Variants in RTL1 observed in about 807,000 individuals in gnomAD.
The protein encoded by RTL1 is retrotransposon Gag like 1, also known as retrotransposon-like protein 1.
For missense variants in RTL1, 1,681 were observed against 1,767.5 expected, an observed-to-expected ratio of 0.95 and a Z score of 0.88; for synonymous variants, 727 against 748.4, an observed-to-expected ratio of 0.97 and a Z score of 0.47.
Position 100,884,095 on chromosome 14 carries a change from A to G in RTL1, c.694T>C (p.Tyr232His). Residue 232 changes from tyrosine (Y) to histidine (H), a missense_variant, in exon 4 of 4, where the codon TAT (tyrosine) becomes CAT (histidine). By Grantham distance (83) the Tyr-to-His change is moderately conservative (BLOSUM62 2). Transcript: ENST00000649591. ...LTLQSYPRMF[Y>H]NDRLRVGYVI... ...TAGCCAACTCTCAGACGGTCGTTAT[A>G]GAACATTCTTGGGTAGCTCTGTAAG... The G allele has an allele frequency of 6.4e-7, 1 of 1,551,716 alleles. No homozygotes were observed. The highest frequency in any genetic ancestry group is 8.7e-7 in the Non-Finnish European group (1 of 1,146,984).
chr14:100,899,776 A>G, intron 2 of RTL1, among the ~76,000 whole-genome samples: 1 of 152,022 alleles, frequency 6.6e-6, no homozygotes, highest in East Asian at 1.9e-4. Flanking sequence ...ATGAGGAAAT[A>G]ACGCAAATAA....
chr14:100,882,516 T>C lies in RTL1; in HGVS notation c.2273A>G (p.His758Arg), dbSNP rs936065042. 13 of 1,551,972 alleles carry C rather than the reference T, an allele frequency of 8.4e-6. No individual in the cohort carries two copies. Among genetic ancestry groups the C allele is most frequent in the Non-Finnish European group, 1.1e-5 (13 of 1,147,076 alleles). Residue 758 changes from histidine (H) to arginine (R), a missense_variant, in exon 4 of 4, where the codon CAT becomes CGT. Transcript: ENST00000649591. ...GTCCAGGGAGCAGTAGACGTTGTGA[T>C]GGCGGAAGCGGACCAGGACTTGGCG... Reference protein sequence around the residue: ...HVRQVLVRFRHHNVYCSLDKS... With the variant: ...HVRQVLVRFRRHNVYCSLDKS...
In RTL1 at chr14:100,902,022, C is replaced by G. The variant is rs141898570; in HGVS notation, c.-149+1269G>C. 4.9e-3 allele frequency among the ~76,000 whole-genome samples: 754 copies of G among 152,334 alleles called. 5 individuals are homozygous for G. Among genetic ancestry groups the G allele is most frequent in the Middle Eastern group, 0.02 (6 of 294 alleles). ...TGTGGGAGCTTCTCAAAGGCCTAAA[C>G]ATGTGGGCTGCCAGCCTGGGCAGGA... On this transcript the variant is annotated intron_variant, in intron 2 of 3. Transcript: ENST00000649591.
In RTL1 at chr14:100,893,678, C is replaced by T. The variant is rs112045952; in HGVS notation, c.-148-173G>A. Among the ~76,000 whole-genome samples the T allele has an allele frequency of 5.0e-3, 768 of 152,346 alleles. 3 individuals carry two copies. Among genetic ancestry groups the T allele is most frequent in the Non-Finnish European group, 8.0e-3 (541 of 68,032 alleles). On this transcript the variant is annotated intron_variant, in intron 2 of 3. Transcript: ENST00000649591. The surrounding 1 kb of genome is among the most constrained non-coding windows in gnomAD (Gnocchi z 4.2). ...TCCACGTGGCTACGTTGGGGACCTC[C>T]GTGATGCTTCCTGAGTGCTTACTAT...
intron 2 of RTL1, chr14:100,897,787 G>GGGGGGGGGGA (rs2038888289): frequency 6.0e-6 from 1 of 165,364 alleles, no homozygotes; most frequent in Non-Finnish European, 1.3e-5. Flanking sequence ...GCGGGGGGGG[G>GGGGGGGGGGA]CAGTGAATTG....
At position 100,903,684 on chromosome 14, in the gene RTL1, GGCTGCTCAGCGAGGCTGTGCCGAGT is replaced by G. The variant is rs2038973480; in HGVS notation, c.-349_-325del. ...CTCCCCACCACACCCTGCTGCTGAA[GGCTGCTCAGCGAGGCTGTGCCGAGT>G]GCTGGGGGGGTGTGGGTGGGCAGGG... On this transcript the variant is annotated 5_prime_UTR_variant, in exon 1 of 4. Coordinates refer to ENST00000649591, the MANE Select transcript of RTL1 (RefSeq NM_001134888.3). Among the ~76,000 whole-genome samples the G allele has an allele frequency of 6.6e-6, 1 of 152,182 alleles. No individual in the cohort carries two copies. The highest frequency in any genetic ancestry group is 1.5e-5 in the Non-Finnish European group (1 of 68,020).
chr14:100,896,226 G>A (rs1327912453), intron 2 of RTL1, among the ~76,000 whole-genome samples: 2 of 152,218 alleles, frequency 1.3e-5, no homozygotes, highest in Non-Finnish European at 1.5e-5. Flanking sequence ...CAGGCCGAGG[G>A]CTGCTTAACC....
intron 2 of RTL1, chr14:100,897,925 C>T (rs1307207297): frequency 1.9e-6 from 1 of 514,010 alleles, no homozygotes; most frequent in South Asian, 1.4e-5. Flanking sequence ...TTTTCTGGAC[C>T]AATGATGAGA....
rs2038813418 is a variant in RTL1, at chr14:100,893,704, G to A, written c.-148-199C>T. Reference sequence around the variant, plus strand: ...GTGATGCTTCCTGAGTGCTTACTATGCGCCAAGCGCTGCTTTCACCATTTT... The same window carrying A: ...GTGATGCTTCCTGAGTGCTTACTATACGCCAAGCGCTGCTTTCACCATTTT... On this transcript the variant is annotated intron_variant, in intron 2 of 3. Transcript: ENST00000649591. The surrounding 1 kb of genome is among the most constrained non-coding windows in gnomAD (Gnocchi z 4.2). Among the ~76,000 whole-genome samples the A allele has an allele frequency of 6.6e-6, 1 of 152,090 alleles. No homozygotes were observed. Among genetic ancestry groups the A allele is most frequent in the African/African-American group, 2.4e-5 (1 of 41,430 alleles).
chr14:100,890,450 G>A lies in RTL1; in HGVS notation c.-87+2994C>T, dbSNP rs1473907052. Among the ~76,000 whole-genome samples, 11 of 151,568 alleles carry A rather than the reference G, an allele frequency of 7.3e-5. No homozygotes were observed. In the East Asian group the frequency reaches 7.7e-4, roughly 11 times the overall value. ...TTAGGAGCAGAGTTGAGCCTGGGGC[G>A]GGGGGCCGGGGTGGGGGAATTAGGG... is the stretch of plus-strand genomic sequence containing the variant. On this transcript the variant is annotated intron_variant, in intron 3 of 3. Transcript: ENST00000649591.
At chr14:100,897,985 C>T (rs2038892442) in intron 2 of RTL1, 1 of 514,160 alleles carries the variant, frequency 1.9e-6, no homozygotes, top group Non-Finnish European at 3.9e-6. Flanking sequence ...GCACAAAACA[C>T]TGAGGTCCAT....
intron 2 of RTL1, among the ~76,000 whole-genome samples, chr14:100,896,146 C>T (rs1160114442): frequency 1.3e-5 from 2 of 151,976 alleles, no homozygotes; most frequent in African/African-American, 2.4e-5. Flanking sequence ...CAAACTCAGT[C>T]CAAACTAAAA....
At chr14:100,890,690 G>T (rs527602702) in intron 3 of RTL1, among the ~76,000 whole-genome samples, 3 of 152,230 alleles carry the variant, frequency 2.0e-5, no homozygotes, top group African/African-American at 7.2e-5. Flanking sequence ...GGTGTCAGGT[G>T]AAGATCCCTG....
Position 100,882,856 on chromosome 14 carries a change from CCTGT to C in RTL1, c.1929_1932del (p.Gln644ThrfsTer5), listed in dbSNP as rs2038638568. 1 of 1,559,110 alleles carries C rather than the reference CCTGT, an allele frequency of 6.4e-7. No homozygotes were observed. The highest frequency in any genetic ancestry group is 1.4e-5 in the African/African-American group (1 of 73,588). ...AGTTCCGGAATCATCTGTATGTAGTCCTGTCTGTTGGTCAGCATGTCCTGCAGGT... is the reference window on the plus strand; with the variant it reads ...AGTTCCGGAATCATCTGTATGTAGTCCTGTTGGTCAGCATGTCCTGCAGGT... On this transcript the variant is annotated frameshift_variant, in exon 4 of 4. Coordinates refer to ENST00000649591, the MANE Select transcript of RTL1 (RefSeq NM_001134888.3). LOFTEE classifies it low-confidence loss of function (END_TRUNC).
chr14:100,880,728 T>A lies in RTL1; in HGVS notation c.4061A>T (p.Asp1354Val). The change falls in exon 4 of 4, where the codon GAT becomes GTT. Residue 1354 changes from aspartate to valine, a missense_variant. Asp to Val is a radical substitution (Grantham distance 152, BLOSUM62 -3). Coordinates refer to ENST00000649591, the MANE Select transcript of RTL1 (RefSeq NM_001134888.3). ...RLEELPDEDE[D>V]ANLD is the part of the protein sequence containing the mutation. ...GAGGCGTCTTCAGTCGAGGTTAGCA[T>A]CTTCGTCCTCATCAGGCAGCTCTTC... The A allele has an allele frequency of 6.4e-7, 1 of 1,550,842 alleles. No homozygotes were observed. Among genetic ancestry groups the A allele is most frequent in the Non-Finnish European group, 8.7e-7 (1 of 1,146,946 alleles).
chr14:100,887,310 C>G (rs1466477863), intron 3 of RTL1, among the ~76,000 whole-genome samples: 1 of 152,152 alleles, frequency 6.6e-6, no homozygotes, highest in Non-Finnish European at 1.5e-5. Flanking sequence ...CGAATTTGCT[C>G]TTATAACTTC....
chr14:100,883,240 C>A lies in RTL1; in HGVS notation c.1549G>T (p.Asp517Tyr). ...RWLRVHAPEV[D>Y]WIKGRCTFHS... ...AAGGTGCAGCGGCCTTTGATCCAGT[C>A]GACTTCGGGGGCGTGGACTCGGAGC... Residue 517 changes from aspartate to tyrosine, a missense_variant, in exon 4 of 4, where the codon GAC becomes TAC. Coordinates refer to ENST00000649591, the MANE Select transcript of RTL1 (RefSeq NM_001134888.3). This position sits in a 1 kb window ranked among gnomAD's most constrained non-coding sequence, Gnocchi z 5.9. 1 of 1,551,926 alleles carries A rather than the reference C, an allele frequency of 6.4e-7. No homozygotes were observed. The highest frequency in any genetic ancestry group is 8.7e-7 in the Non-Finnish European group (1 of 1,147,114).
chr14:100,891,861 G>T (rs1184448336), intron 3 of RTL1, among the ~76,000 whole-genome samples: 2 of 152,102 alleles, frequency 1.3e-5, no homozygotes, highest in African/African-American at 4.8e-5. Context: ...TGCAGGGAGG[G>T]TTTCGGTGGT....
chr14:100,900,504 G>T (rs1213288452), intron 2 of RTL1, among the ~76,000 whole-genome samples: 1 of 152,226 alleles, frequency 6.6e-6, no homozygotes, highest in East Asian at 1.9e-4. Flanking sequence ...GAGCTGTCCA[G>T]GTCTCTGCAA....
Sources: allele counts gnomAD v4.1 joint callset (sites outside exome capture counted in the v4.1 genomes callset), GRCh38; gene constraint gnomAD v4.1.1; non-coding constraint Gnocchi (gnomAD v3.1); transcripts MANE v1.5; gene names NCBI Gene and HGNC (gene_info 2026-07-23, HGNC 2026-07-21).